The following LRRC7 variants were observed in gnomAD, a reference collection of about 807,000 sequenced individuals.
The protein encoded by LRRC7 is leucine rich repeat containing 7.
A neutral mutation model predicts 175.7 loss-of-function variants in LRRC7; 23 were observed. The ratio of observed to expected loss-of-function variants is 0.13; its 90% CI spans 0.09 to 0.19. The LOEUF (loss-of-function observed/expected upper bound fraction) is 0.19. LRRC7 is among the 10% of genes least tolerant of loss of function. LRRC7 has a pLI of 1.00. For missense variants in LRRC7, 1,354 were observed against 1,904.7 expected (o/e 0.71, Z 5.38); for synonymous variants, 685 against 680.9 (o/e 1.01, Z -0.09).
At chr1:69,916,248 AT>A (rs1016216836) in intron 7 of LRRC7, among the ~76,000 whole-genome samples, 1 of 130,574 alleles carries the variant, frequency 7.7e-6, no homozygotes, top group Non-Finnish European at 1.6e-5. Context: ...TTTATATAAA[AT>A]AAAAATATAA....
intron 24 of LRRC7, among the ~76,000 whole-genome samples, chr1:70,078,810 G>GCACA (rs374404537): frequency 0.18 from 24,945 of 140,956 alleles, 2,315 homozygotes; most frequent in African/African-American, 0.21. Flanking sequence ...GCGCGCGCGC[G>GCACA]CACACACACA....
At chr1:69,770,295 C>A (rs191416813) in intron 3 of LRRC7, among the ~76,000 whole-genome samples, 1 of 152,130 alleles carries the variant, frequency 6.6e-6, no homozygotes, top group Non-Finnish European at 1.5e-5. Flanking sequence ...ATCGATGCTT[C>A]GTTTCATTCA....
chr1:69,736,492 G>T (rs1668127550), intron 2 of LRRC7, among the ~76,000 whole-genome samples: 1 of 152,012 alleles, frequency 6.6e-6, no homozygotes, highest in African/African-American at 2.4e-5. Flanking sequence ...ATCAAAAGCA[G>T]GTTTTCAAAA....
chr1:69,622,445 T>G (rs969240805), intron 1 of LRRC7, among the ~76,000 whole-genome samples: 2 of 152,210 alleles, frequency 1.3e-5, no homozygotes, highest in Non-Finnish European at 2.9e-5. Flanking sequence ...AGTCTGGAGA[T>G]AATTTATTAT....
chr1:70,016,583 A>T (rs373029159), intron 14 of LRRC7, 49 bp downstream of exon 14: 5 of 1,406,840 alleles, frequency 3.6e-6, no homozygotes, highest in Non-Finnish European at 4.8e-6. Flanking sequence ...ACTATAATTG[A>T]AAGTTTGAAT....
intron 24 of LRRC7, among the ~76,000 whole-genome samples, chr1:70,079,934 A>C (rs1194752756): frequency 6.6e-6 from 1 of 152,238 alleles, no homozygotes; most frequent in African/African-American, 2.4e-5. Context: ...TTACAAGTGA[A>C]GAAACCAAGG....
intron 18 of LRRC7, among the ~76,000 whole-genome samples, chr1:70,032,912 C>T (rs571952039): frequency 6.6e-6 from 1 of 152,212 alleles, no homozygotes; most frequent in Admixed American, 6.5e-5. Context: ...AAATATGGTT[C>T]AATGTACTTA....
At chr1:69,693,278 T>TA (rs967054560) in intron 2 of LRRC7, among the ~76,000 whole-genome samples, 16 of 151,650 alleles carry the variant, frequency 1.1e-4, no homozygotes, top group East Asian at 7.7e-4. Context: ...TCATTTCTAC[T>TA]AAAAAAAAAT....
chr1:69,792,563 G>GT (rs775302807), intron 4 of LRRC7, among the ~76,000 whole-genome samples: 15 of 151,922 alleles, frequency 9.9e-5, no homozygotes, highest in Non-Finnish European at 1.5e-4. Flanking sequence ...CTGGGCTTCA[G>GT]TTTTTTCCCC....
intron 3 of LRRC7, among the ~76,000 whole-genome samples, chr1:69,781,745 G>GAC (rs1557719693): frequency 5.0e-5 from 2 of 40,398 alleles, no homozygotes; most frequent in East Asian, 2.2e-3. Flanking sequence ...GAGAGAGAGA[G>GAC]AGAGAGAGAG....
At chr1:69,814,037 G>A (rs553886579) in intron 4 of LRRC7, among the ~76,000 whole-genome samples, 32 of 151,998 alleles carry the variant, frequency 2.1e-4, no homozygotes, top group Non-Finnish European at 4.6e-4. Flanking sequence ...GTAAATATAT[G>A]TACATACGAA....
chr1:69,854,517 G>C (rs1424386449), intron 7 of LRRC7, among the ~76,000 whole-genome samples: 2 of 152,012 alleles, frequency 1.3e-5, no homozygotes, highest in Non-Finnish European at 2.9e-5. Flanking sequence ...TTTAAAGAGA[G>C]AGAGAGAAGC....
intron 25 of LRRC7, among the ~76,000 whole-genome samples, chr1:70,094,840 C>T (rs761906720): frequency 2.0e-5 from 3 of 152,106 alleles, no homozygotes; most frequent in Admixed American, 6.6e-5. Flanking sequence ...GATCCATAAA[C>T]AAAAGCTTGC....
Position 69,990,113 on chromosome 1 carries a change from T to A in LRRC7, c.931+3727T>A, listed in dbSNP as rs537401452. ...TCTGCTCTTAAAAGATGTACTTTAC[T>A]CAGAAAACAAAAACAAACTCAGAAG... is the stretch of plus-strand genomic sequence containing the variant. On this transcript the variant is annotated intron_variant, in intron 10 of 26. Transcript: ENST00000651989. Among the ~76,000 whole-genome samples the A allele has an allele frequency of 2.0e-5, 3 of 152,188 alleles. No homozygotes were observed. The South Asian group carries it at 6.2e-4, about 32-fold the overall frequency.
At chr1:69,611,279 G>A (rs933498123) in intron 1 of LRRC7, among the ~76,000 whole-genome samples, 2 of 151,050 alleles carry the variant, frequency 1.3e-5, no homozygotes, top group African/African-American at 2.4e-5. Flanking sequence ...ATTTTTCCTA[G>A]GTTGTCATTT....
intron 2 of LRRC7, among the ~76,000 whole-genome samples, chr1:69,690,310 A>G (rs1209363128): frequency 6.6e-6 from 1 of 152,224 alleles, no homozygotes; most frequent in African/African-American, 2.4e-5. Flanking sequence ...TAGTCAAGTC[A>G]TAAAACTTCA....
chr1:69,783,761 A>AG (rs1234481614), intron 3 of LRRC7, among the ~76,000 whole-genome samples: 3 of 102,712 alleles, frequency 2.9e-5, no homozygotes, highest in African/African-American at 7.2e-5. Context: ...CTCAAAAAAA[A>AG]AAAAAAAAAA....
intron 1 of LRRC7, among the ~76,000 whole-genome samples, chr1:69,604,155 T>A (rs1647208788): frequency 6.6e-6 from 1 of 152,178 alleles, no homozygotes; most frequent in Admixed American, 6.6e-5. Flanking sequence ...GCTTCTGTGT[T>A]GTTTTCTCTG....
chr1:69,716,564 A>T (rs1308059292), intron 2 of LRRC7, among the ~76,000 whole-genome samples: 1 of 151,896 alleles, frequency 6.6e-6, no homozygotes, highest in Admixed American at 6.6e-5. Context: ...TTTATCCACT[A>T]TGTAAATGCA....
Sources: gnomAD v4.1 joint callset for allele counts (sites outside exome capture counted in the v4.1 genomes callset) on GRCh38, gnomAD v4.1.1 for gene constraint, MANE v1.5 for transcripts, NCBI Gene and HGNC (gene_info 2026-07-23, HGNC 2026-07-21) for gene names.